Variants in GBP2 observed in about 807,000 individuals in gnomAD.
GBP2 encodes guanylate binding protein 2.
GBP2 carries 54 observed loss-of-function variants against 60.8 expected under a neutral mutation model. That is an observed-to-expected ratio of 0.89 (90% CI 0.71 to 1.11). GBP2 has a LOEUF of 1.11. Among genes scored for constraint, GBP2 ranks in the 50% most tolerant of loss-of-function variants. The pLI is 0.00. For missense variants in GBP2, 665 were observed against 703.3 expected (o/e 0.95, Z 0.62); for synonymous variants, 243 against 256.5 (o/e 0.95, Z 0.50).
At chr1:89,110,003 A>T in intron 9 of GBP2, 133 bp from the exon 10 acceptor site, 1 of 977,956 alleles carries the variant, frequency 1.0e-6, no homozygotes, top group Non-Finnish European at 1.5e-6. Flanking sequence ...TTGGGTAACC[A>T]GAAAACCAAT....
intron 6 of GBP2, among the ~76,000 whole-genome samples, chr1:89,114,544 G>A (rs1681230530): frequency 6.6e-6 from 1 of 152,174 alleles, no homozygotes; most frequent in Non-Finnish European, 1.5e-5. Context: ...CTAGGTCAAT[G>A]TGTTTTCTTA....
At chr1:89,119,559 A>C (rs964297824) in intron 4 of GBP2, 1 of 152,234 alleles carries the variant, frequency 6.6e-6, no homozygotes, top group Non-Finnish European at 1.5e-5. Flanking sequence ...AGGAACTAAA[A>C]TCTTTAATGA....
Position 89,114,298 on chromosome 1 carries a change from T to C in GBP2, c.869-2A>G. On this transcript the variant is annotated splice_acceptor_variant, in intron 6 of 10. Transcript: ENST00000370466. LOFTEE classifies it high-confidence loss of function. ...AGGTCAGCACCAGGCTCTCTAGACC[T>C]GCAAAAGGGAATTTTTAAAAAAATG... The C allele has an allele frequency of 1.2e-6, 2 of 1,607,894 alleles. No individual in the cohort carries two copies. The highest frequency in any genetic ancestry group is 1.7e-6 in the Non-Finnish European group (2 of 1,175,562).
rs1681514341 is a variant in GBP2, at chr1:89,126,015, A to G, written c.-170T>C. 6.6e-6 allele frequency: 1 copy of G among 152,078 alleles called. No homozygotes were observed. Among genetic ancestry groups the G allele is most frequent in the South Asian group, 2.1e-4 (1 of 4,826 alleles). 9.4% of individuals were successfully genotyped at this position (152,078 alleles called of 1,614,324 possible). On this transcript the variant is annotated 5_prime_UTR_variant, in exon 1 of 11. Transcript: ENST00000370466. The stretch of plus-strand genomic sequence containing the variant: ...TGTGGACTTTTACTTTACCCCTCCA[A>G]CGTCCTGGGGCTTCCTCCAACGTCC...
chr1:89,112,597 A>G lies in GBP2; in HGVS notation c.1237T>C (p.Phe413Leu). 1 of 1,614,192 alleles carries G rather than the reference A, an allele frequency of 6.2e-7. No homozygotes were observed. Among genetic ancestry groups the G allele is most frequent in the Non-Finnish European group, 8.5e-7 (1 of 1,180,030 alleles). ...DCCMALLQDIFGPLEEDVKQG... is the reference protein window; with the variant it reads ...DCCMALLQDILGPLEEDVKQG... ...TTGACATCTTCTTCTAAAGGGCCAA[A>G]TATATCCTGAAGTAAAGCCATGCAA... Residue 413 changes from phenylalanine (F) to leucine (L), a missense_variant, in exon 8 of 11, where the codon TTT (phenylalanine) becomes CTT (leucine). Coordinates refer to ENST00000370466, the MANE Select transcript of GBP2 (RefSeq NM_004120.5).
chr1:89,108,193 T>A lies in GBP2; in HGVS notation c.1758A>T (p.Pro586=), dbSNP rs1681091649. 6.2e-7 allele frequency: 1 copy of A among 1,609,470 alleles called. No individual in the cohort carries two copies. Among genetic ancestry groups the A allele is most frequent in the East Asian group, 2.2e-5 (1 of 44,836 alleles). Residue 586 remains proline (P), a synonymous_variant, in exon 11 of 11, where the codon CCA becomes CCT. Transcript: ENST00000370466. ...DIQMRSKSLE[P]ICNIL ...TGGACTTTTAGAGTATGTTACATAT[T>A]GGCTCCAATGATTTGCTTCTCATCT... is the stretch of plus-strand genomic sequence containing the variant.
chr1:89,114,231 T>A lies in GBP2; in HGVS notation c.934A>T (p.Asn312Tyr). 6.2e-7 allele frequency: 1 copy of A among 1,614,202 alleles called. No individual in the cohort carries two copies. The highest frequency in any genetic ancestry group is 8.5e-7 in the Non-Finnish European group (1 of 1,180,026). Reference sequence around the variant, plus strand: ...ATCTGGGCCAAGGCCAGGACTGCGTTCTCCATGCAGGGTAGATCCCCACTG... The same window carrying A: ...ATCTGGGCCAAGGCCAGGACTGCGTACTCCATGCAGGGTAGATCCCCACTG... ...ISSGDLPCME[N>Y]AVLALAQIEN... The change falls in exon 7 of 11, where the codon AAC becomes TAC. Residue 312 changes from asparagine to tyrosine, a missense_variant. Physicochemically the swap from Asn to Tyr is moderately radical, Grantham distance 143. Coordinates refer to ENST00000370466, the MANE Select transcript of GBP2 (RefSeq NM_004120.5).
chr1:89,123,692 A>G (rs959337115), intron 1 of GBP2, among the ~76,000 whole-genome samples: 1 of 152,218 alleles, frequency 6.6e-6, no homozygotes, highest in African/African-American at 2.4e-5. Context: ...TCTTTGGTGT[A>G]GTTAAATTAT....
In GBP2 at chr1:89,120,265, C is replaced by A. The variant is rs775928667; in HGVS notation, c.342G>T (p.Trp114Cys). 6.2e-6 allele frequency: 10 copies of A among 1,613,738 alleles called. No homozygotes were observed. The East Asian group carries it at 2.2e-4, about 36-fold the overall frequency. The change falls in exon 4 of 11, where the codon TGG becomes TGT. Residue 114 changes from tryptophan to cysteine, a missense_variant. By Grantham distance (215) the Trp-to-Cys change is radical. Transcript: ENST00000370466. ...IEKGDNENDS[W>C]IFALAILLSS... is the part of the protein sequence containing the mutation. Reference sequence around the variant, plus strand: ...TCAGGAGGATGGCCAAGGCAAAGATCCAGGAGTCATTCTCATTGTCACCCT... The same window carrying A: ...TCAGGAGGATGGCCAAGGCAAAGATACAGGAGTCATTCTCATTGTCACCCT...
rs1418289154 is a variant in GBP2, at chr1:89,113,363, T to A, written c.1149+653A>T. On this transcript the variant is annotated intron_variant, in intron 7 of 10. Transcript: ENST00000370466. ...CTACATTAAATCACTCAAGATAACT[T>A]AACTATGAAGCTTTCTCTTTCCTCC... Among the ~76,000 whole-genome samples the A allele has an allele frequency of 1.3e-5, 2 of 152,234 alleles. 1 individual carries two copies. Among genetic ancestry groups the A allele is most frequent in the South Asian group, 4.1e-4 (2 of 4,826 alleles).
rs768410107 is a variant in GBP2 at position 89,121,831 on chromosome 1, G to T, written c.136C>A (p.Leu46Ile). The change falls in exon 2 of 11, where the codon CTC becomes ATC. Residue 46 changes from leucine (L) to isoleucine (I), a missense_variant. Physicochemically the swap from Leu to Ile is conservative, Grantham distance 5. Transcript: ENST00000370466. ...AGGTAGGATTTGCCTGTGCGATAGAGGCCCACAATCGCCACCACCACCACA... is the reference window on the plus strand; with the variant it reads ...AGGTAGGATTTGCCTGTGCGATAGATGCCCACAATCGCCACCACCACCACA... ...QPVVVVAIVG[L>I]YRTGKSYLMN... 6.2e-7 allele frequency: 1 copy of T among 1,613,868 alleles called. No individual in the cohort carries two copies. The highest frequency in any genetic ancestry group is 1.7e-5 in the Admixed American group (1 of 59,972).
chr1:89,123,446 T>G (rs1203277781), intron 1 of GBP2, among the ~76,000 whole-genome samples: 1 of 152,256 alleles, frequency 6.6e-6, no homozygotes, highest in South Asian at 2.1e-4. Context: ...TATTCATGTT[T>G]TCCCCTTGTT....
chr1:89,110,696 C>T (rs1681143885), intron 8 of GBP2, among the ~76,000 whole-genome samples: 1 of 152,104 alleles, frequency 6.6e-6, no homozygotes, highest in African/African-American at 2.4e-5. Context: ...AAGAATGATA[C>T]AGTGGACTTT....
rs182809900 is a variant in GBP2 at position 89,107,220 on chromosome 1, T to C, written c.*955A>G. On this transcript the variant is annotated 3_prime_UTR_variant, in exon 11 of 11. Coordinates refer to ENST00000370466, the MANE Select transcript of GBP2 (RefSeq NM_004120.5). ...CAATCTGTCATTTTTTTTTTTTTAG[T>C]AAGTCATTTACCCTGAGTAGCTTTG... Among the ~76,000 whole-genome samples the C allele has an allele frequency of 2.3e-3, 353 of 152,136 alleles. 1 individual carries two copies. Among genetic ancestry groups the C allele is most frequent in the African/African-American group, 7.8e-3 (325 of 41,504 alleles).
chr1:89,124,678 A>G (rs969692995), intron 1 of GBP2, among the ~76,000 whole-genome samples: 1 of 152,216 alleles, frequency 6.6e-6, no homozygotes, highest in African/African-American at 2.4e-5. Flanking sequence ...TCCTATCACT[A>G]TGCAGGAAGC....
In GBP2 at chr1:89,107,037, A is replaced by G. The variant is rs1239936883; in HGVS notation, c.*1138T>C. ...GAGTATGGCTCCCTCACAATTCTGG[A>G]GCATCGGTGTGCAACCTAATGGTAT... On this transcript the variant is annotated 3_prime_UTR_variant, in exon 11 of 11. Transcript: ENST00000370466. The G allele has an allele frequency of 6.6e-6, 1 of 152,184 alleles. No homozygotes were observed. Among genetic ancestry groups the G allele is most frequent in the African/African-American group, 2.4e-5 (1 of 41,434 alleles). 9.4% of individuals were successfully genotyped at this position (152,184 alleles called of 1,614,324 possible). A position where few individuals can be genotyped will look rare whatever the true frequency, so the allele number is the denominator to read the frequency against.
intron 4 of GBP2, 88 bp from the exon 5 acceptor site, chr1:89,117,861 T>C (rs2209956): frequency 0.67 from 744,345 of 1,110,774 alleles, 248,946 homozygotes; most frequent in East Asian, 0.78. Context: ...ATTTGGTTTC[T>C]TTTTATTAGC....
chr1:89,106,556 T>G lies in GBP2; in HGVS notation c.*1619A>C, dbSNP rs560986079. The G allele has an allele frequency of 6.6e-6, 1 of 151,920 alleles. No homozygotes were observed. Among genetic ancestry groups the G allele is most frequent in the South Asian group, 2.1e-4 (1 of 4,796 alleles). The allele number at this position is 151,920 out of a possible 1,614,324, so 9.4% of individuals were successfully genotyped here. ...ATAATGACAAAAAAGATGAGAAGAG[T>G]GTTGTATCTGATGTACACAAAAATA... On this transcript the variant is annotated 3_prime_UTR_variant, in exon 11 of 11. Transcript: ENST00000370466.
rs766490853 is a variant in GBP2 at position 89,121,858 on chromosome 1, G to C, written c.109C>G (p.Pro37Ala). The C allele has an allele frequency of 3.1e-6, 5 of 1,614,006 alleles. No homozygotes were observed. Among genetic ancestry groups the C allele is most frequent in the East Asian group, 4.5e-5 (2 of 44,890 alleles). Residue 37 changes from proline (P) to alanine (A), a missense_variant, in exon 2 of 11, where the codon CCT becomes GCT. Pro to Ala is a conservative substitution (Grantham distance 27). Transcript: ENST00000370466. ...CCCACAATCGCCACCACCACCACAG[G>C]CTGCGTAATTGCAGATAGGATCTTC... ...ALKILSAITQPVVVVAIVGLY... is the reference protein window; with the variant it reads ...ALKILSAITQAVVVVAIVGLY...
Sources: allele counts gnomAD v4.1 joint callset (sites outside exome capture counted in the v4.1 genomes callset), GRCh38; gene constraint gnomAD v4.1.1; transcripts MANE v1.5; gene names NCBI Gene and HGNC (gene_info 2026-07-23, HGNC 2026-07-21).